Variants in ABCA1 observed in about 807,000 individuals in gnomAD.
ABCA1 encodes ATP binding cassette subfamily A member 1, also known as phospholipid-transporting ATPase ABCA1.
ABCA1 carries 133 observed loss-of-function variants against 262.5 expected under a neutral mutation model. The observed-to-expected ratio is 0.51, with a 90% CI of 0.44 to 0.59. The LOEUF is 0.59. Among genes scored for constraint, ABCA1 ranks in the 20% least tolerant of loss-of-function variants. The pLI, the probability that ABCA1 is intolerant of heterozygous loss-of-function variation, is 0.00. For missense variants in ABCA1, 2,452 were observed against 2,777.5 expected, an observed-to-expected ratio of 0.88 and a Z score of 2.63; for synonymous variants, 1,022 against 1,043.5, an observed-to-expected ratio of 0.98 and a Z score of 0.40.
chr9:104,889,159 T>C lies in ABCA1; in HGVS notation c.103A>G (p.Ile35Val), dbSNP rs138992952. 7.8e-5 allele frequency: 126 copies of C among 1,614,126 alleles called. No homozygotes were observed. The Middle Eastern group carries it at 9.9e-4, about 13-fold the overall frequency. Residue 35 changes from isoleucine (I) to valine (V), a missense_variant, in exon 3 of 50, where the codon ATC becomes GTC. Ile to Val is a conservative substitution (Grantham distance 29). Transcript: ENST00000374736. ...CGAACAGAGATCAGGATCAGGAAGA[T>C]AAATAGAGGCCAGGCCACTTCCAGC... ...LLLEVAWPLF[I>V]FLILISVRLS...
intron 30 of ABCA1, among the ~76,000 whole-genome samples, chr9:104,807,110 A>G (rs1330796597): frequency 1.3e-5 from 2 of 152,236 alleles, no homozygotes; most frequent in Non-Finnish European, 1.5e-5. Flanking sequence ...GCTACGAAGA[A>G]GAGTAATGAT....
intron 11 of ABCA1, among the ~76,000 whole-genome samples, chr9:104,835,774 T>C (rs1304888118): frequency 6.6e-6 from 1 of 152,204 alleles, no homozygotes; most frequent in African/African-American, 2.4e-5. Flanking sequence ...TTGCCATGTT[T>C]ACAAGGATCT....
chr9:104,908,107 A>C (rs1218123229), intron 1 of ABCA1, among the ~76,000 whole-genome samples: 1 of 152,242 alleles, frequency 6.6e-6, no homozygotes, highest in Non-Finnish European at 1.5e-5. Context: ...TTAAAACCAC[A>C]ATGAGATATC....
chr9:104,831,081 C>T lies in ABCA1; in HGVS notation c.1736G>A (p.Arg579Gln), dbSNP rs1833264169. ...CCGCATGTCCTCAAAGGGGTCAGCT[C>T]GAGGACCAGGGTCCCAGTACCTAAA... Reference protein sequence around the residue: ...IKDGYWDPGPRADPFEDMRYV... With the variant: ...IKDGYWDPGPQADPFEDMRYV... The change falls in exon 14 of 50, where the codon CGA becomes CAA. Residue 579 changes from arginine (R) to glutamine (Q), a missense_variant. Physicochemically the swap from Arg to Gln is conservative, Grantham distance 43. This residue lies in a region of ABCA1 where 1,032 missense variants were observed against 1,089.7 expected (regional missense o/e 0.95). Transcript: ENST00000374736. 6.8e-6 allele frequency: 11 copies of T among 1,608,242 alleles called. No homozygotes were observed. The highest frequency in any genetic ancestry group is 8.5e-6 in the Non-Finnish European group (10 of 1,178,518).
At chr9:104,846,974 G>A (rs1418547529) in intron 7 of ABCA1, among the ~76,000 whole-genome samples, 1 of 152,122 alleles carries the variant, frequency 6.6e-6, no homozygotes, top group Non-Finnish European at 1.5e-5. Flanking sequence ...GAACTTGCCT[G>A]GAAAACTATT....
intron 1 of ABCA1, among the ~76,000 whole-genome samples, chr9:104,915,568 G>A (rs1435584670): frequency 6.6e-6 from 1 of 152,174 alleles, no homozygotes; most frequent in East Asian, 1.9e-4. Context: ...TGAGGTCTGA[G>A]AGGATCCTAC....
At chr9:104,914,734 T>G (rs1172878805) in intron 1 of ABCA1, among the ~76,000 whole-genome samples, 7 of 152,178 alleles carry the variant, frequency 4.6e-5, no homozygotes, top group Non-Finnish European at 8.8e-5. Context: ...TAAGAAAAGA[T>G]AGTTAAAGCA....
rs751049570 is a variant in ABCA1, at chr9:104,784,318, T to A, written c.6783A>T (p.Val2261=). 113 of 1,614,032 alleles carry A rather than the reference T, an allele frequency of 7.0e-5. 1 individual carries two copies. In the South Asian group the frequency reaches 1.2e-3, roughly 17 times the overall value. ...LQDEKVKESY[V] The stretch of plus-strand genomic sequence containing the variant: ...CACCCCGTATGAACAGGATTCTTCA[T>A]ACATAGCTTTCTTTCACTTTCTCAT... The change falls in exon 50 of 50, where the codon GTA becomes GTT. Residue 2261 remains valine (V), a synonymous_variant. Coordinates refer to ENST00000374736, the MANE Select transcript of ABCA1 (RefSeq NM_005502.4).
chr9:104,872,823 T>C (rs1837746874), intron 5 of ABCA1, among the ~76,000 whole-genome samples: 1 of 152,270 alleles, frequency 6.6e-6, no homozygotes, highest in Admixed American at 6.5e-5. Context: ...CACGCAACAC[T>C]GTTCTTGATG....
At chr9:104,820,801 A>G (rs1229785158) in intron 20 of ABCA1, among the ~76,000 whole-genome samples, 4 of 152,180 alleles carry the variant, frequency 2.6e-5, no homozygotes, top group African/African-American at 9.7e-5. Flanking sequence ...CCAGCATGAC[A>G]ATAATGGGAA....
chr9:104,809,510 T>C lies in ABCA1; in HGVS notation c.4230A>G (p.Lys1410=), dbSNP rs1831080583. ...TACAGCGGGTCCCGAAGCCAGGGTC[T>C]TTGGTGAGGGCGTTTAAGAGTTCCA... ...GTLELLNALT[K]DPGFGTRCME... Residue 1410 remains lysine (K), a synonymous_variant, in exon 30 of 50, where the codon AAA becomes AAG. Transcript: ENST00000374736. The C allele has an allele frequency of 2.5e-6, 4 of 1,614,084 alleles. No individual in the cohort carries two copies.
chr9:104,914,721 C>T (rs1027616142), intron 1 of ABCA1, among the ~76,000 whole-genome samples: 2 of 152,006 alleles, frequency 1.3e-5, no homozygotes, highest in Non-Finnish European at 1.5e-5. Flanking sequence ...AAAACCTCAG[C>T]GATAAGAAAA....
intron 14 of ABCA1, among the ~76,000 whole-genome samples, chr9:104,830,275 T>C (rs1286689551): frequency 6.6e-6 from 1 of 152,248 alleles, no homozygotes; most frequent in African/African-American, 2.4e-5. Context: ...AAACTGTGCT[T>C]TTATAAGTTT....
At chr9:104,926,639 G>A (rs924569861) in intron 1 of ABCA1, among the ~76,000 whole-genome samples, 1 of 152,112 alleles carries the variant, frequency 6.6e-6, no homozygotes, top group Non-Finnish European at 1.5e-5. Context: ...AGTCTCCGGG[G>A]GCCACCGCAG....
At chr9:104,854,676 T>C (rs1209997770) in intron 7 of ABCA1, among the ~76,000 whole-genome samples, 3 of 152,062 alleles carry the variant, frequency 2.0e-5, no homozygotes. Context: ...TACAGCAAAA[T>C]ACACCTTGCT....
intron 43 of ABCA1, 134 bp from the exon 44 acceptor site, chr9:104,791,162 T>C: frequency 3.1e-6 from 2 of 645,804 alleles, no homozygotes; most frequent in South Asian, 3.5e-5. Flanking sequence ...TTTTAACACA[T>C]CGTATAGATA....
intron 1 of ABCA1, among the ~76,000 whole-genome samples, chr9:104,917,329 A>G (rs1276249565): frequency 1.3e-5 from 2 of 152,250 alleles, no homozygotes; most frequent in Admixed American, 1.3e-4. Flanking sequence ...AGAGTTACAC[A>G]GGATGAATTT....
intron 32 of ABCA1, among the ~76,000 whole-genome samples, chr9:104,804,387 C>T (rs572211584): frequency 2.4e-4 from 36 of 152,314 alleles, no homozygotes; most frequent in Admixed American, 8.5e-4. Flanking sequence ...CAAAATTTGA[C>T]GTTGAATCCA....
At chr9:104,899,760 T>C (rs1840514113) in intron 2 of ABCA1, among the ~76,000 whole-genome samples, 1 of 151,886 alleles carries the variant, frequency 6.6e-6, no homozygotes, top group South Asian at 2.1e-4. Context: ...TTGAGAAAAT[T>C]AATAATAAAG....
Sources: gnomAD v4.1 joint callset for allele counts (sites outside exome capture counted in the v4.1 genomes callset) on GRCh38, gnomAD v4.1.1 for gene constraint, gnomAD v4.1.1 regional missense constraint, MANE v1.5 for transcripts, NCBI Gene and HGNC (gene_info 2026-07-23, HGNC 2026-07-21) for gene names.